The following PRTG variants were observed in gnomAD, a reference collection of about 807,000 sequenced individuals.
PRTG encodes protogenin.
Under a neutral mutation model 122.5 loss-of-function variants are expected in PRTG, and 67 were observed. The observed-to-expected ratio is 0.55, with a 90% CI of 0.45 to 0.67. PRTG has a LOEUF of 0.67. Among genes scored for constraint, PRTG ranks in the 30% least tolerant of loss-of-function variants. The pLI, the probability that PRTG is intolerant of heterozygous loss-of-function variation, is 0.00. For missense variants in PRTG, 1,435 were observed against 1,415.4 expected, an observed-to-expected ratio of 1.01 and a Z score of -0.22; for synonymous variants, 554 against 501.1, an observed-to-expected ratio of 1.11 and a Z score of -1.41.
intron 2 of PRTG, among the ~76,000 whole-genome samples, chr15:55,727,150 T>A (rs2031064673): frequency 6.9e-6 from 1 of 145,790 alleles, no homozygotes; most frequent in African/African-American, 2.5e-5. Context: ...GGGAAGGAAA[T>A]AATTAAGACT....
intron 11 of PRTG, among the ~76,000 whole-genome samples, chr15:55,645,359 G>A (rs545789711): frequency 9.5e-5 from 13 of 137,540 alleles, no homozygotes; most frequent in African/African-American, 1.6e-4. Context: ...GCGTGAACCC[G>A]GGAGGCGGAG....
At chr15:55,691,601 A>G (rs1485989508) in intron 2 of PRTG, among the ~76,000 whole-genome samples, 1 of 151,810 alleles carries the variant, frequency 6.6e-6, no homozygotes, top group Non-Finnish European at 1.5e-5. Context: ...GAATCGCCTG[A>G]ACCCGGGAGG....
chr15:55,673,936 G>GA (rs777443453), intron 9 of PRTG, among the ~76,000 whole-genome samples: 10 of 152,130 alleles, frequency 6.6e-5, no homozygotes, highest in Non-Finnish European at 1.2e-4. Flanking sequence ...GAATGAATAT[G>GA]AGAATATTTG....
At chr15:55,639,852 T>A in intron 12 of PRTG, 24 bp from the exon 13 acceptor site, 2 of 1,611,852 alleles carry the variant, frequency 1.2e-6, no homozygotes, top group Admixed American at 3.3e-5. Flanking sequence ...CAATGTTAAT[T>A]TACGATACGA....
chr15:55,697,512 CTGTT>C (rs57492085), intron 2 of PRTG, among the ~76,000 whole-genome samples: 2,932 of 152,140 alleles, frequency 0.019, 94 homozygotes, highest in African/African-American at 0.064. Context: ...ATTTCTTTTT[CTGTT>C]TGTTTGTTTG....
At chr15:55,731,985 G>A (rs2031249936) in intron 2 of PRTG, among the ~76,000 whole-genome samples, 1 of 152,076 alleles carries the variant, frequency 6.6e-6, no homozygotes, top group Non-Finnish European at 1.5e-5. Flanking sequence ...ATCGCTCCTA[G>A]GCTACAAACC....
intron 2 of PRTG, among the ~76,000 whole-genome samples, chr15:55,710,277 T>G (rs1463582501): frequency 6.6e-6 from 1 of 152,196 alleles, no homozygotes; most frequent in Non-Finnish European, 1.5e-5. Context: ...TTCATCAGTT[T>G]CTTCATCCTC....
intron 18 of PRTG, among the ~76,000 whole-genome samples, chr15:55,622,840 T>A (rs921169536): frequency 5.3e-5 from 8 of 152,212 alleles, no homozygotes; most frequent in African/African-American, 1.9e-4. Flanking sequence ...TTGGCCTGTA[T>A]CAGTACTTTT....
At chr15:55,713,381 T>C (rs1286164731) in intron 2 of PRTG, among the ~76,000 whole-genome samples, 1 of 152,236 alleles carries the variant, frequency 6.6e-6, no homozygotes, top group African/African-American at 2.4e-5. Flanking sequence ...ACATGTAAGT[T>C]GTTTCCAACT....
intron 2 of PRTG, among the ~76,000 whole-genome samples, chr15:55,723,752 CTTTTTTTTTT>C (rs769469226): frequency 7.9e-6 from 1 of 127,102 alleles, no homozygotes; most frequent in South Asian, 2.5e-4. Flanking sequence ...TTTCTTTTTT[CTTTTTTTTTT>C]TTTTTTTGAG....
intron 2 of PRTG, among the ~76,000 whole-genome samples, chr15:55,713,623 T>G (rs926590036): frequency 6.6e-6 from 1 of 152,240 alleles, no homozygotes; most frequent in African/African-American, 2.4e-5. Context: ...GTCAATTTAC[T>G]GGATGTAAAA....
intron 11 of PRTG, among the ~76,000 whole-genome samples, chr15:55,651,886 G>A (rs959070134): frequency 6.6e-6 from 1 of 152,134 alleles, no homozygotes; most frequent in Non-Finnish European, 1.5e-5. Flanking sequence ...CAGCTCTGGT[G>A]AAGACTTAGA....
At chr15:55,639,948 G>T in intron 12 of PRTG, 120 bp from the exon 13 acceptor site, 1 of 1,477,286 alleles carries the variant, frequency 6.8e-7, no homozygotes. Context: ...TCTTCCACCA[G>T]AGATTCATAG....
intron 11 of PRTG, among the ~76,000 whole-genome samples, chr15:55,670,831 C>T (rs1288086795): frequency 6.6e-6 from 1 of 151,560 alleles, no homozygotes; most frequent in Non-Finnish European, 1.5e-5. Flanking sequence ...AACCTGGAGG[C>T]AGAGGTTGCG....
chr15:55,740,497 G>A lies in PRTG; in HGVS notation c.282C>T (p.Tyr94=). 5 of 1,613,430 alleles carry A rather than the reference G, an allele frequency of 3.1e-6. No homozygotes were observed. Among genetic ancestry groups the A allele is most frequent in the Non-Finnish European group, 4.2e-6 (5 of 1,179,662 alleles). ...CTCGCCTGCCTTCCACCTCACTGAT[G>A]TATAAAGAGCCGTTAGAAAGAACCT... ...RIEVLSNGSL[Y]ISEVEGRRGE... is the part of the protein sequence containing the mutation. Residue 94 remains tyrosine (Y), a synonymous_variant, in exon 2 of 20, where the codon TAC becomes TAT. Coordinates refer to ENST00000389286, the MANE Select transcript of PRTG (RefSeq NM_173814.6).
intron 18 of PRTG, 91 bp from the exon 19 acceptor site, chr15:55,620,858 T>C: frequency 9.5e-7 from 1 of 1,049,402 alleles, no homozygotes; most frequent in Non-Finnish European, 1.4e-6. Flanking sequence ...TTTTACTATA[T>C]GCTTCACATT....
intron 2 of PRTG, among the ~76,000 whole-genome samples, chr15:55,715,030 AAAAAT>A (rs1303221403): frequency 6.6e-6 from 1 of 152,210 alleles, no homozygotes; most frequent in East Asian, 1.9e-4. Flanking sequence ...TTATTCAAAC[AAAAAT>A]ATTTTTCATA....
chr15:55,653,193 C>CA (rs1399640966), intron 11 of PRTG, among the ~76,000 whole-genome samples: 1 of 152,088 alleles, frequency 6.6e-6, no homozygotes, highest in African/African-American at 2.4e-5. Context: ...TTGGAGGGGT[C>CA]AGTCCTTCAC....
In PRTG at chr15:55,612,556, T is replaced by C. The variant is rs1342607796; in HGVS notation, c.*7456A>G. The C allele has an allele frequency of 6.6e-6, 1 of 151,708 alleles. No individual in the cohort carries two copies. The highest frequency in any genetic ancestry group is 1.5e-5 in the Non-Finnish European group (1 of 67,850). The allele number at this position is 151,708 out of a possible 1,614,324, so 9.4% of individuals were successfully genotyped here. ...GTTGCCCTATATAAAATGCATTCAT[T>C]TGGAATAGTTTGCAGAAATATTAAA... is the stretch of plus-strand genomic sequence containing the variant. On this transcript the variant is annotated 3_prime_UTR_variant, in exon 20 of 20. Coordinates refer to ENST00000389286, the MANE Select transcript of PRTG (RefSeq NM_173814.6).
Sources: gnomAD v4.1 joint callset for allele counts (sites outside exome capture counted in the v4.1 genomes callset) on GRCh38, gnomAD v4.1.1 for gene constraint, MANE v1.5 for transcripts, NCBI Gene and HGNC (gene_info 2026-07-23, HGNC 2026-07-21) for gene names.